The following KCNH1 variants were observed in gnomAD, a reference collection of about 807,000 sequenced individuals.
KCNH1 encodes potassium voltage-gated channel subfamily H member 1, also known as voltage-gated delayed rectifier potassium channel KCNH1.
Under a neutral mutation model 69.2 loss-of-function variants are expected in KCNH1, and 27 were observed. The observed-to-expected ratio is 0.39, with a 90% confidence interval of 0.29 to 0.54. The LOEUF (loss-of-function observed/expected upper bound fraction) is 0.54, where lower values mean the gene tolerates loss of function less well. Among genes scored for constraint, KCNH1 ranks in the 20% least tolerant of loss-of-function variants. The pLI, the probability that KCNH1 is intolerant of heterozygous loss-of-function variation, is 0.68. For missense variants in KCNH1, 798 were observed against 1,261.6 expected, an observed-to-expected ratio of 0.63 and a Z score of 5.57; for synonymous variants, 456 against 487.7, an observed-to-expected ratio of 0.93 and a Z score of 0.86.
chr1:210,705,847 C>T (rs1286654258), intron 10 of KCNH1, among the ~76,000 whole-genome samples: 1 of 152,080 alleles, frequency 6.6e-6, no homozygotes, highest in African/African-American at 2.4e-5. Flanking sequence ...CTGGGCACCT[C>T]GATCCTAATC....
intron 1 of KCNH1, among the ~76,000 whole-genome samples, chr1:211,113,656 G>A (rs1241144995): frequency 1.3e-5 from 2 of 152,160 alleles, no homozygotes; most frequent in African/African-American, 4.8e-5. Context: ...ACCCAAATCA[G>A]CTGCACAGGA....
At chr1:210,929,452 A>G (rs1687638736) in intron 6 of KCNH1, among the ~76,000 whole-genome samples, 1 of 152,210 alleles carries the variant, frequency 6.6e-6, no homozygotes. Flanking sequence ...ATAGACACAG[A>G]AAAAGCATCT....
intron 7 of KCNH1, among the ~76,000 whole-genome samples, chr1:210,867,031 A>C (rs971702081): frequency 6.6e-6 from 1 of 152,078 alleles, no homozygotes; most frequent in Non-Finnish European, 1.5e-5. Flanking sequence ...CATATTGTAC[A>C]ATTCAATTTA....
At chr1:210,935,485 T>A (rs1174964269) in intron 6 of KCNH1, among the ~76,000 whole-genome samples, 1 of 152,160 alleles carries the variant, frequency 6.6e-6, no homozygotes, top group Non-Finnish European at 1.5e-5. Context: ...TTGTTATATG[T>A]TTTTAAATAG....
At position 210,749,741 on chromosome 1, in the gene KCNH1, A is replaced by AT. The variant is rs1558453568; in HGVS notation, c.2112+25606_2112+25607insA. On this transcript the variant is annotated intron_variant, in intron 10 of 10. Coordinates refer to ENST00000271751, the MANE Select transcript of KCNH1 (RefSeq NM_172362.3). ...TGCATGACAGGAGCCAAGGCTGCTC[A>AT]CTTTTTTTTTTTTTTTTTTGAGATG... is the stretch of plus-strand genomic sequence containing the variant. Among the ~76,000 whole-genome samples, 135 of 112,138 alleles carry AT rather than the reference A, an allele frequency of 1.2e-3. 1 individual carries two copies. Among genetic ancestry groups the AT allele is most frequent in the South Asian group, 7.2e-3 (23 of 3,200 alleles). The allele number at this position is 112,138 out of a possible 152,430, so 73.6% of individuals were successfully genotyped here. A position where few individuals can be genotyped will look rare whatever the true frequency, so the allele number is the denominator to read the frequency against.
intron 6 of KCNH1, among the ~76,000 whole-genome samples, chr1:210,953,735 C>T (rs1309059682): frequency 6.6e-6 from 1 of 152,066 alleles, no homozygotes; most frequent in Non-Finnish European, 1.5e-5. Context: ...AAATTCACAC[C>T]CCCTGGGATG....
intron 1 of KCNH1, among the ~76,000 whole-genome samples, chr1:211,132,060 T>A (rs1206820553): frequency 6.6e-6 from 1 of 152,234 alleles, no homozygotes; most frequent in Non-Finnish European, 1.5e-5. Flanking sequence ...TTGTGACTTT[T>A]ACATGTAAGT....
intron 6 of KCNH1, among the ~76,000 whole-genome samples, chr1:210,954,474 T>C (rs992533151): frequency 1.3e-5 from 2 of 152,188 alleles, no homozygotes; most frequent in African/African-American, 2.4e-5. Flanking sequence ...CATGAGGAAT[T>C]GCCACACTGT....
At chr1:210,815,327 A>C (rs1223675500) in intron 7 of KCNH1, among the ~76,000 whole-genome samples, 2 of 152,168 alleles carry the variant, frequency 1.3e-5, no homozygotes, top group Non-Finnish European at 2.9e-5. Flanking sequence ...ATACTGGGCC[A>C]TATTGAGAAT....
chr1:210,745,431 T>C (rs1182104982), intron 10 of KCNH1, among the ~76,000 whole-genome samples: 1 of 152,176 alleles, frequency 6.6e-6, no homozygotes, highest in Non-Finnish European at 1.5e-5. Context: ...CATCCAAAAC[T>C]GTATTTTTCA....
intron 10 of KCNH1, among the ~76,000 whole-genome samples, chr1:210,704,088 A>T (rs1194043156): frequency 6.6e-6 from 1 of 152,164 alleles, no homozygotes; most frequent in Admixed American, 6.5e-5. Context: ...CCTGGGCCAG[A>T]GCAGACATCA....
chr1:211,091,653 G>T (rs1230554731), intron 3 of KCNH1, among the ~76,000 whole-genome samples: 1 of 152,194 alleles, frequency 6.6e-6, no homozygotes, highest in African/African-American at 2.4e-5. Flanking sequence ...AGGAAGCTCA[G>T]TGAATGTGTT....
chr1:210,896,412 G>A (rs1483067914), intron 7 of KCNH1, among the ~76,000 whole-genome samples: 2 of 152,162 alleles, frequency 1.3e-5, no homozygotes, highest in African/African-American at 2.4e-5. Flanking sequence ...GCAGTTCAGG[G>A]CAAAGTTGTG....
chr1:210,996,012 G>A (rs941359033), intron 6 of KCNH1, among the ~76,000 whole-genome samples: 9 of 152,228 alleles, frequency 5.9e-5, no homozygotes, highest in Non-Finnish European at 1.2e-4. Context: ...TGGCAGCCAA[G>A]ATGGCCGAAT....
chr1:211,017,732 T>C (rs553366165), intron 6 of KCNH1, among the ~76,000 whole-genome samples: 3 of 152,204 alleles, frequency 2.0e-5, no homozygotes, highest in South Asian at 2.1e-4. Flanking sequence ...ATTCAGAAAA[T>C]GACTTAGAGT....
intron 6 of KCNH1, among the ~76,000 whole-genome samples, chr1:210,964,006 T>A (rs911681140): frequency 2.0e-5 from 3 of 152,066 alleles, no homozygotes; most frequent in African/African-American, 7.2e-5. Context: ...TCACCAACGT[T>A]GAAATGAAGG....
At chr1:210,720,538 G>A (rs915352965) in intron 10 of KCNH1, among the ~76,000 whole-genome samples, 1 of 152,198 alleles carries the variant, frequency 6.6e-6, no homozygotes, top group Non-Finnish European at 1.5e-5. Flanking sequence ...AATCTGTGCT[G>A]AAGACAAAGG....
intron 10 of KCNH1, among the ~76,000 whole-genome samples, chr1:210,687,417 T>C (rs1345707816): frequency 6.6e-6 from 1 of 152,226 alleles, no homozygotes; most frequent in African/African-American, 2.4e-5. Context: ...CATGGGTCTC[T>C]GGATCTGTGC....
intron 5 of KCNH1, among the ~76,000 whole-genome samples, chr1:211,028,462 A>G (rs1571589918): frequency 1.3e-5 from 2 of 151,908 alleles, no homozygotes; most frequent in Non-Finnish European, 2.9e-5. Context: ...ATGAACAGAA[A>G]TCGATGAAAT....
Sources: gnomAD v4.1 joint callset for allele counts (sites outside exome capture counted in the v4.1 genomes callset) on GRCh38, gnomAD v4.1.1 for gene constraint, MANE v1.5 for transcripts, NCBI Gene and HGNC (gene_info 2026-07-23, HGNC 2026-07-21) for gene names.